ABCB5: variants seen among roughly 807,000 people sequenced by gnomAD.
ABCB5 encodes ATP-binding cassette sub-family B member 5.
ABCB5 carries 155 observed loss-of-function variants against 144.2 expected under a neutral mutation model. The ratio of observed to expected loss-of-function variants is 1.08; its 90% CI spans 0.94 to 1.23. The LOEUF is 1.23. ABCB5 is among the 50% of genes most tolerant of loss of function. The probability of loss-of-function intolerance (pLI) is 0.00; values close to 1 mark genes in which losing one functional copy is unlikely to be tolerated. For missense variants in ABCB5, 1,830 were observed against 1,520.8 expected (o/e 1.20, Z -3.38); for synonymous variants, 610 against 528.6 (o/e 1.15, Z -2.11).
chr7:20,733,298 A>G (rs554711187), intron 23 of ABCB5, among the ~76,000 whole-genome samples: 65 of 152,212 alleles, frequency 4.3e-4, no homozygotes, highest in African/African-American at 1.4e-3. Context: ...CGAGTATTCA[A>G]AGTTGGGCTG....
At chr7:20,730,396 C>A (rs1435411258) in intron 23 of ABCB5, among the ~76,000 whole-genome samples, 2 of 152,152 alleles carry the variant, frequency 1.3e-5, no homozygotes, top group Non-Finnish European at 2.9e-5. Flanking sequence ...GTAATCCCAG[C>A]TACTTGGGAG....
At chr7:20,673,769 T>C (rs1453766841) in intron 14 of ABCB5, among the ~76,000 whole-genome samples, 1 of 152,010 alleles carries the variant, frequency 6.6e-6, no homozygotes, top group Non-Finnish European at 1.5e-5. Context: ...AATCTGATGA[T>C]TGATAGTATA....
chr7:20,677,254 G>C (rs1481060536), intron 14 of ABCB5, among the ~76,000 whole-genome samples: 2 of 152,132 alleles, frequency 1.3e-5, no homozygotes. Context: ...TTTTAGAAAA[G>C]AGCTCCGAAG....
chr7:20,672,268 T>A (rs1191883657), intron 14 of ABCB5, among the ~76,000 whole-genome samples: 1 of 152,216 alleles, frequency 6.6e-6, no homozygotes, highest in Non-Finnish European at 1.5e-5. Context: ...TGGCTTTCTA[T>A]TGTCTTAAGT....
At chr7:20,679,245 A>T (rs1785709155) in intron 14 of ABCB5, among the ~76,000 whole-genome samples, 1 of 152,116 alleles carries the variant, frequency 6.6e-6, no homozygotes, top group Non-Finnish European at 1.5e-5. Flanking sequence ...AGGTGGGTGG[A>T]TCACCTGAGA....
chr7:20,667,336 G>C (rs1785233909), intron 14 of ABCB5: 1 of 984,672 alleles, frequency 1.0e-6, no homozygotes, highest in Admixed American at 6.1e-5. Flanking sequence ...CCTGTGAAGT[G>C]AATCCCCTGT....
At chr7:20,659,749 C>T (rs1422899013) in intron 14 of ABCB5, 3 of 985,614 alleles carry the variant, frequency 3.0e-6, no homozygotes, top group Non-Finnish European at 3.6e-6. Context: ...GCTCTGTCAC[C>T]CATGCTTGAG....
chr7:20,735,903 A>G (rs1254975768), intron 23 of ABCB5, among the ~76,000 whole-genome samples: 2 of 152,208 alleles, frequency 1.3e-5, no homozygotes, highest in African/African-American at 4.8e-5. Context: ...CTTATCTCCT[A>G]GGTGATTAGA....
intron 5 of ABCB5, among the ~76,000 whole-genome samples, chr7:20,634,078 G>T (rs1364663287): frequency 6.6e-6 from 1 of 151,624 alleles, no homozygotes; most frequent in African/African-American, 2.4e-5. Context: ...ATGTCCATAT[G>T]TACACATTAT....
intron 26 of ABCB5, among the ~76,000 whole-genome samples, chr7:20,752,713 G>T (rs1182747280): frequency 1.3e-5 from 2 of 152,170 alleles, no homozygotes; most frequent in Non-Finnish European, 2.9e-5. Context: ...CAGGCATGGT[G>T]GTGGGCACCT....
rs374494568 is a variant in ABCB5, at chr7:20,628,719, T to C, written c.140T>C (p.Leu47Pro). 9.3e-6 allele frequency: 15 copies of C among 1,613,386 alleles called. No individual in the cohort carries two copies. Among genetic ancestry groups the C allele is most frequent in the Non-Finnish European group, 1.3e-5 (15 of 1,179,738 alleles). The change falls in exon 4 of 28, where the codon CTC (leucine) becomes CCC (proline). Residue 47 changes from leucine to proline, a missense_variant. Transcript: ENST00000404938. ...FRFADGLDIT[L>P]MILGILASLV... ...TTTGCTGATGGACTGGACATCACAC[T>C]CATGATCCTGGGTATACTGGCATCA... is the stretch of plus-strand genomic sequence containing the variant.
At chr7:20,633,252 A>C (rs542513054) in intron 5 of ABCB5, among the ~76,000 whole-genome samples, 87 of 152,228 alleles carry the variant, frequency 5.7e-4, no homozygotes, top group African/African-American at 2.0e-3. Context: ...GGTATTAAAC[A>C]GTGTGATTTA....
intron 16 of ABCB5, among the ~76,000 whole-genome samples, chr7:20,696,945 C>T (rs1203301648): frequency 6.6e-6 from 1 of 152,098 alleles, no homozygotes; most frequent in African/African-American, 2.4e-5. Flanking sequence ...GATAGCCCTC[C>T]TAATTTCCTG....
intron 3 of ABCB5, among the ~76,000 whole-genome samples, chr7:20,626,852 G>GGGGTGGGT (rs367767170): frequency 1.9e-5 from 2 of 107,040 alleles, no homozygotes; most frequent in African/African-American, 8.0e-5. Flanking sequence ...AAGTGTTTTT[G>GGGGTGGGT]GGGTGTGTGT....
intron 1 of ABCB5, among the ~76,000 whole-genome samples, chr7:20,617,242 A>C (rs1783707115): frequency 1.3e-5 from 2 of 152,152 alleles, no homozygotes; most frequent in African/African-American, 2.4e-5. Context: ...AGAATGAGTA[A>C]ATTTTTTTAA....
chr7:20,647,833 A>T, intron 10 of ABCB5, 135 bp from the exon 11 acceptor site: 1 of 1,120,340 alleles, frequency 8.9e-7, no homozygotes, highest in East Asian at 2.6e-5. Context: ...TGAAACCTTC[A>T]TGTCTAACTC....
intron 13 of ABCB5, among the ~76,000 whole-genome samples, chr7:20,655,475 C>G (rs1298089953): frequency 6.6e-6 from 1 of 151,730 alleles, no homozygotes; most frequent in Non-Finnish European, 1.5e-5. Flanking sequence ...TCTGCTCCCC[C>G]GCACCTCCCC....
chr7:20,687,869 A>G (rs2128040599), intron 16 of ABCB5, among the ~76,000 whole-genome samples: 1 of 152,210 alleles, frequency 6.6e-6, no homozygotes, highest in East Asian at 1.9e-4. Context: ...TGACTGACAG[A>G]GCAAGAACCC....
chr7:20,675,474 A>C (rs1422459933), intron 14 of ABCB5, among the ~76,000 whole-genome samples: 2 of 152,032 alleles, frequency 1.3e-5, no homozygotes. Flanking sequence ...TTTTATCTGC[A>C]CCATACACAA....
Sources: allele counts gnomAD v4.1 joint callset (sites outside exome capture counted in the v4.1 genomes callset), GRCh38; gene constraint gnomAD v4.1.1; transcripts MANE v1.5; gene names NCBI Gene and HGNC (gene_info 2026-07-23, HGNC 2026-07-21).